PTPRH: variants seen among roughly 807,000 people sequenced by gnomAD.
PTPRH encodes the protein protein tyrosine phosphatase receptor type H.
PTPRH carries 113 observed loss-of-function variants against 130.2 expected under a neutral mutation model. The observed-to-expected ratio is 0.87, with a 90% CI of 0.75 to 1.01. The LOEUF is 1.01. PTPRH is among the 50% of genes least tolerant of loss of function. The pLI is 0.00. For synonymous variants in PTPRH, 556 were observed against 577.9 expected, an observed-to-expected ratio of 0.96 and a Z score of 0.54; for missense variants, 1,430 against 1,425.0, an observed-to-expected ratio of 1.00 and a Z score of -0.06.
At chr19:55,195,338 A>G (rs1444939207) in intron 10 of PTPRH, among the ~76,000 whole-genome samples, 1 of 151,962 alleles carries the variant, frequency 6.6e-6, no homozygotes, top group Non-Finnish European at 1.5e-5. Flanking sequence ...AAAATAAAAA[A>G]TAAAAAATAA....
Position 55,205,095 on chromosome 19 carries a change from G to A in PTPRH, c.619+231C>T, listed in dbSNP as rs535705997. On this transcript the variant is annotated intron_variant, in intron 4 of 19. Transcript: ENST00000376350. ...CCCCTACACATTCCTCTTGGTGCAG[G>A]AAGGTACATTCTAGAGAGTCCTAGA... 4.6e-5 allele frequency among the ~76,000 whole-genome samples: 7 copies of A among 152,010 alleles called. No homozygotes were observed. In the East Asian group the frequency reaches 1.4e-3, roughly 29 times the overall value.
At chr19:55,201,059 T>TTAC (rs1243455090) in intron 6 of PTPRH, among the ~76,000 whole-genome samples, 1 of 152,086 alleles carries the variant, frequency 6.6e-6, no homozygotes, top group Non-Finnish European at 1.5e-5. Flanking sequence ...ATGCCTGGGG[T>TTAC]TACTGCCTAA....
chr19:55,201,974 T>G (rs2086876502), intron 6 of PTPRH, 82 bp downstream of exon 6: 2 of 1,568,628 alleles, frequency 1.3e-6, no homozygotes, highest in African/African-American at 2.7e-5. Flanking sequence ...AGAGGGACTA[T>G]GGAATAGACA....
At chr19:55,207,092 A>G in intron 2 of PTPRH, 74 bp downstream of exon 2, 1 of 1,593,856 alleles carries the variant, frequency 6.3e-7, no homozygotes, top group Non-Finnish European at 8.6e-7. Context: ...CCCCACGGGG[A>G]CCCCCCAGAG....
At chr19:55,185,148 C>T (rs1052048436) in intron 18 of PTPRH, among the ~76,000 whole-genome samples, 9 of 151,958 alleles carry the variant, frequency 5.9e-5, no homozygotes, top group African/African-American at 1.9e-4. Context: ...GTGCCCGCCA[C>T]GACACCCGGC....
chr19:55,190,895 G>A (rs2086516451), intron 12 of PTPRH, among the ~76,000 whole-genome samples: 1 of 151,990 alleles, frequency 6.6e-6, no homozygotes. Context: ...AGGCTGCAGT[G>A]CAGTGGCGTG....
intron 5 of PTPRH, among the ~76,000 whole-genome samples, 196 bp downstream of exon 5, chr19:55,203,585 AT>A (rs891807422): frequency 1.3e-5 from 2 of 150,434 alleles, no homozygotes; most frequent in African/African-American, 4.9e-5. Context: ...CTACTTTTTT[AT>A]TTTTTTTGTA....
intron 4 of PTPRH, among the ~76,000 whole-genome samples, chr19:55,204,734 G>C (rs2086989987): frequency 6.6e-6 from 1 of 152,172 alleles, no homozygotes; most frequent in Admixed American, 6.5e-5. Flanking sequence ...TGCAACGATG[G>C]AAATGCTCTC....
At chr19:55,190,440 G>C (rs1292257283) in intron 12 of PTPRH, among the ~76,000 whole-genome samples, 1 of 138,988 alleles carries the variant, frequency 7.2e-6, no homozygotes, top group Non-Finnish European at 1.5e-5. Context: ...TTGTCTCCAA[G>C]TTTATTTATA....
At chr19:55,187,344 CAAAAAAAA>C (rs58124409) in intron 14 of PTPRH, among the ~76,000 whole-genome samples, 161 bp downstream of exon 14, 3 of 45,310 alleles carry the variant, frequency 6.6e-5, no homozygotes, top group Non-Finnish European at 1.2e-4. Context: ...GACTCCGTCT[CAAAAAAAA>C]AAAAAAAAGA....
At chr19:55,200,952 A>C (rs563693799) in intron 6 of PTPRH, among the ~76,000 whole-genome samples, 5 of 110,038 alleles carry the variant, frequency 4.5e-5, no homozygotes, top group African/African-American at 8.8e-5. Context: ...CAAAACAAAC[A>C]AAAAAAACAA....
At chr19:55,197,741 C>A (rs1219149474) in intron 8 of PTPRH, among the ~76,000 whole-genome samples, 1 of 152,168 alleles carries the variant, frequency 6.6e-6, no homozygotes, top group Admixed American at 6.5e-5. Flanking sequence ...GAAGTCATGG[C>A]CCCATGGTGT....
At chr19:55,198,041 T>C (rs1185596757) in intron 8 of PTPRH, among the ~76,000 whole-genome samples, 1 of 152,062 alleles carries the variant, frequency 6.6e-6, no homozygotes, top group Non-Finnish European at 1.5e-5. Context: ...AAGGAGACCC[T>C]CTCTCTACAA....
At chr19:55,187,773 G>A in intron 13 of PTPRH, among the ~76,000 whole-genome samples, 170 bp from the exon 14 acceptor site, 1 of 152,078 alleles carries the variant, frequency 6.6e-6, no homozygotes. Context: ...CACCTGCCCT[G>A]TGGGGCACTG....
Position 55,202,753 on chromosome 19 carries a change from T to C in PTPRH, c.887-431A>G, listed in dbSNP as rs530155726. Among the ~76,000 whole-genome samples, 3 of 152,276 alleles carry C rather than the reference T, an allele frequency of 2.0e-5. No homozygotes were observed. In the East Asian group the frequency reaches 5.8e-4, roughly 29 times the overall value. ...TACATGTCAAAATGATAATATTTTG[T>C]ATCTGCCAGGCGCAGTGGCTCACAC... On this transcript the variant is annotated intron_variant, in intron 5 of 19. Coordinates refer to ENST00000376350, the MANE Select transcript of PTPRH (RefSeq NM_002842.5).
chr19:55,194,216 A>T, intron 10 of PTPRH: 2 of 1,289,670 alleles, frequency 1.6e-6, no homozygotes, highest in Non-Finnish European at 2.0e-6. Flanking sequence ...CTGTCATTAG[A>T]TGTCTCGTCT....
intron 17 of PTPRH, 70 bp downstream of exon 17, chr19:55,185,792 G>T: frequency 6.2e-7 from 1 of 1,608,678 alleles, no homozygotes; most frequent in Non-Finnish European, 8.5e-7. Context: ...GGAGTTGGTG[G>T]AGGGTCCTGG....
chr19:55,186,125 C>T, intron 16 of PTPRH, 100 bp downstream of exon 16: 1 of 1,570,616 alleles, frequency 6.4e-7, no homozygotes, highest in Non-Finnish European at 8.7e-7. Context: ...CTGGGGTTAC[C>T]CTGGAGGAAT....
chr19:55,189,325 C>A (rs1353738570), intron 12 of PTPRH, among the ~76,000 whole-genome samples: 2 of 152,186 alleles, frequency 1.3e-5, no homozygotes, highest in East Asian at 3.9e-4. Context: ...ACATGTTAGA[C>A]TTCTTCCTAA....
Sources: gnomAD v4.1 joint callset for allele counts (sites outside exome capture counted in the v4.1 genomes callset) on GRCh38, gnomAD v4.1.1 for gene constraint, MANE v1.5 for transcripts, NCBI Gene and HGNC (gene_info 2026-07-23, HGNC 2026-07-21) for gene names.